The following PID1 variants were observed in gnomAD, a reference collection of about 807,000 sequenced individuals.
PID1 encodes PTB-containing, cubilin and LRP1-interacting protein.
A neutral mutation model predicts 19.1 loss-of-function variants in PID1; 10 were observed. That is an observed-to-expected ratio of 0.52 (90% CI 0.32 to 0.89). The LOEUF is 0.89. Ranked by LOEUF, PID1 falls within the 40% of genes least tolerant of loss-of-function variation. The pLI is 0.03. For synonymous variants in PID1, 130 were observed against 116.0 expected, an observed-to-expected ratio of 1.12 and a Z score of -0.78; for missense variants, 248 against 285.3, an observed-to-expected ratio of 0.87 and a Z score of 0.94.
At chr2:229,087,309 A>C (rs1264844819) in intron 2 of PID1, among the ~76,000 whole-genome samples, 1 of 152,206 alleles carries the variant, frequency 6.6e-6, no homozygotes, top group Non-Finnish European at 1.5e-5. Context: ...TGCTAAGGAC[A>C]TGATGTTCAA....
chr2:229,128,520 T>A (rs191757057), intron 2 of PID1, among the ~76,000 whole-genome samples: 251 of 152,340 alleles, frequency 1.6e-3, no homozygotes, highest in Non-Finnish European at 2.2e-3. Flanking sequence ...AAGGTTTTTT[T>A]AATTTGAATA....
chr2:229,095,865 G>A (rs1464990868), intron 2 of PID1, among the ~76,000 whole-genome samples: 1 of 152,132 alleles, frequency 6.6e-6, no homozygotes, highest in Admixed American at 6.6e-5. Context: ...ATAATTAGTA[G>A]ATTTTCTGAT....
chr2:229,215,881 C>T (rs193044451), intron 1 of PID1, among the ~76,000 whole-genome samples: 194 of 152,256 alleles, frequency 1.3e-3, no homozygotes, highest in African/African-American at 4.1e-3. Context: ...TTTGTGTTGC[C>T]TTGTATTATG....
rs1693662848 is a variant in PID1, at chr2:229,036,346, ACT to A, written c.178-10240_178-10239del. ...GTGTCATCCTCAGGAAGCTCATATG[ACT>A]CTGAATCAAAGCTAGGTTTTTTCTT... On this transcript the variant is annotated intron_variant, in intron 2 of 2. Coordinates refer to ENST00000392055, the MANE Select transcript of PID1 (RefSeq NM_001100818.2). 3.3e-5 allele frequency among the ~76,000 whole-genome samples: 5 copies of A among 152,016 alleles called. No homozygotes were observed. The South Asian group carries it at 1.0e-3, about 32-fold the overall frequency.
At chr2:229,027,430 T>C (rs1693447934) in intron 2 of PID1, among the ~76,000 whole-genome samples, 1 of 152,142 alleles carries the variant, frequency 6.6e-6, no homozygotes, top group Non-Finnish European at 1.5e-5. Flanking sequence ...AGCACAGTCT[T>C]TGAGGCAGGT....
chr2:229,102,695 T>C (rs1695097989), intron 2 of PID1, among the ~76,000 whole-genome samples: 1 of 152,178 alleles, frequency 6.6e-6, no homozygotes, highest in Non-Finnish European at 1.5e-5. Flanking sequence ...TAGAACCCTC[T>C]AGGTCCTGTT....
intron 2 of PID1, among the ~76,000 whole-genome samples, chr2:229,056,265 A>G (rs556600481): frequency 6.6e-6 from 1 of 152,286 alleles, no homozygotes; most frequent in South Asian, 2.1e-4. Context: ...TCATGCCCCA[A>G]TTAACGGCCA....
chr2:229,268,750 C>G (rs1206213540), intron 1 of PID1, among the ~76,000 whole-genome samples: 20 of 152,034 alleles, frequency 1.3e-4, no homozygotes, highest in Admixed American at 1.3e-3. Flanking sequence ...TCTGTGGCCA[C>G]AGAGCCTGGG....
intron 2 of PID1, among the ~76,000 whole-genome samples, chr2:229,105,314 A>T (rs764324574): frequency 6.6e-5 from 10 of 152,212 alleles, no homozygotes; most frequent in Non-Finnish European, 1.3e-4. Context: ...CATCCTCCCC[A>T]GGGGAGATTC....
intron 1 of PID1, among the ~76,000 whole-genome samples, chr2:229,177,185 C>G (rs955631166): frequency 1.4e-4 from 22 of 152,152 alleles, no homozygotes; most frequent in Non-Finnish European, 2.8e-4. Flanking sequence ...TCCTACCAAG[C>G]CCCTCTCACA....
In PID1 at chr2:229,057,006, C is replaced by T. The variant is rs557573886; in HGVS notation, c.178-30898G>A. On this transcript the variant is annotated intron_variant, in intron 2 of 2. Coordinates refer to ENST00000392055, the MANE Select transcript of PID1 (RefSeq NM_001100818.2). Reference sequence around the variant, plus strand: ...TAAAAATTCCAAAAAGAAAGTAATACAAGCCACTTTATCATAAGAGAAAGA... The same window carrying T: ...TAAAAATTCCAAAAAGAAAGTAATATAAGCCACTTTATCATAAGAGAAAGA... Among the ~76,000 whole-genome samples, 31 of 144,318 alleles carry T rather than the reference C, an allele frequency of 2.1e-4. No individual in the cohort carries two copies. In the East Asian group the frequency reaches 5.4e-3, roughly 25 times the overall value. 94.7% of individuals were successfully genotyped at this position (144,318 alleles called of 152,430 possible).
intron 2 of PID1, among the ~76,000 whole-genome samples, chr2:229,119,789 G>A (rs1030060568): frequency 7.9e-5 from 12 of 152,184 alleles, no homozygotes; most frequent in Non-Finnish European, 1.5e-4. Context: ...TTTGAATTGT[G>A]GACTGAGTAA....
chr2:229,043,208 G>A (rs1693808621), intron 2 of PID1, among the ~76,000 whole-genome samples: 1 of 152,076 alleles, frequency 6.6e-6, no homozygotes, highest in African/African-American at 2.4e-5. Context: ...GTTTTGCCAT[G>A]TTGGCCAGGC....
chr2:229,109,496 T>TCCCA (rs1695250685), intron 2 of PID1, among the ~76,000 whole-genome samples: 2 of 152,120 alleles, frequency 1.3e-5, no homozygotes, highest in Non-Finnish European at 1.5e-5. Context: ...CATGATTACC[T>TCCCA]CCCACCCACT....
intron 1 of PID1, among the ~76,000 whole-genome samples, chr2:229,216,236 C>T (rs540948108): frequency 6.6e-6 from 1 of 152,314 alleles, no homozygotes; most frequent in South Asian, 2.1e-4. Flanking sequence ...ATGCTTGCCA[C>T]GTGGTCCCCC....
intron 1 of PID1, chr2:229,244,951 A>G (rs1192957636): frequency 1.3e-5 from 2 of 151,984 alleles, no homozygotes; most frequent in Non-Finnish European, 2.9e-5. Context: ...GAACTTCAAA[A>G]CTCCATAAGC....
chr2:229,262,103 A>C (rs1446840290), intron 1 of PID1, among the ~76,000 whole-genome samples: 1 of 152,202 alleles, frequency 6.6e-6, no homozygotes, highest in Non-Finnish European at 1.5e-5. Flanking sequence ...GAAGAGGCAA[A>C]TCACAGAGGC....
intron 1 of PID1, among the ~76,000 whole-genome samples, chr2:229,158,208 CAA>C (rs1210761642): frequency 6.6e-6 from 1 of 152,156 alleles, no homozygotes; most frequent in Non-Finnish European, 1.5e-5. Context: ...CTATTCCAGA[CAA>C]AGATTTATTT....
intron 2 of PID1, among the ~76,000 whole-genome samples, chr2:229,027,139 G>T (rs952140497): frequency 6.6e-6 from 1 of 152,180 alleles, no homozygotes; most frequent in Non-Finnish European, 1.5e-5. Flanking sequence ...GGGACATTTG[G>T]TCAGAATGAT....
Sources: allele counts gnomAD v4.1 joint callset (sites outside exome capture counted in the v4.1 genomes callset), GRCh38; gene constraint gnomAD v4.1.1; transcripts MANE v1.5; gene names NCBI Gene and HGNC (gene_info 2026-07-23, HGNC 2026-07-21).